Variants in CAMTA1 observed in about 807,000 individuals in gnomAD.
CAMTA1 encodes calmodulin-binding transcription activator 1.
CAMTA1 carries 27 observed loss-of-function variants against 170.9 expected under a neutral mutation model. The ratio of observed to expected loss-of-function variants is 0.16; its 90% CI spans 0.12 to 0.22. The LOEUF is 0.22. CAMTA1 is among the 10% of genes least tolerant of loss of function. CAMTA1 has a pLI of 1.00. For missense variants in CAMTA1, 1,619 were observed against 2,217.2 expected, an observed-to-expected ratio of 0.73 and a Z score of 5.42; for synonymous variants, 833 against 891.5, an observed-to-expected ratio of 0.93 and a Z score of 1.17.
intron 6 of CAMTA1, among the ~76,000 whole-genome samples, chr1:7,530,126 C>T (rs1473428347): frequency 6.6e-6 from 1 of 152,200 alleles, no homozygotes; most frequent in African/African-American, 2.4e-5. Flanking sequence ...CGGCACCCTG[C>T]CCAGACCCCT....
At chr1:7,233,894 C>A (rs1443703779) in intron 4 of CAMTA1, among the ~76,000 whole-genome samples, 1 of 152,144 alleles carries the variant, frequency 6.6e-6, no homozygotes, top group Non-Finnish European at 1.5e-5. Context: ...GGGGTCATAA[C>A]CCCTCTGCCC....
intron 5 of CAMTA1, among the ~76,000 whole-genome samples, chr1:7,284,787 T>A (rs937005982): frequency 6.6e-6 from 1 of 152,194 alleles, no homozygotes; most frequent in African/African-American, 2.4e-5. Context: ...TTTACCTCCT[T>A]CTTGCACTCT....
At chr1:7,499,451 AGTGT>A (rs1326057353) in intron 6 of CAMTA1, among the ~76,000 whole-genome samples, 1 of 16,928 alleles carries the variant, frequency 5.9e-5, no homozygotes, top group African/African-American at 3.3e-4. Context: ...TATGTATATG[AGTGT>A]GTGTGTGTGC....
At chr1:6,807,590 C>T (rs939324033) in intron 1 of CAMTA1, among the ~76,000 whole-genome samples, 3 of 152,000 alleles carry the variant, frequency 2.0e-5, no homozygotes, top group South Asian at 2.1e-4. Flanking sequence ...CGTGGTGGCA[C>T]GTGCCTGTAG....
At chr1:7,457,336 C>A (rs2092980997) in intron 5 of CAMTA1, among the ~76,000 whole-genome samples, 1 of 152,084 alleles carries the variant, frequency 6.6e-6, no homozygotes, top group Non-Finnish European at 1.5e-5. Flanking sequence ...GCCCTCCTCA[C>A]TCATGTCGTC....
intron 5 of CAMTA1, among the ~76,000 whole-genome samples, chr1:7,412,535 T>A (rs1361503933): frequency 2.0e-5 from 3 of 152,268 alleles, no homozygotes; most frequent in Admixed American, 6.5e-5. Flanking sequence ...TTTCATGTGT[T>A]TTTTGGCTGC....
chr1:7,686,296 C>G (rs993776514), intron 11 of CAMTA1, among the ~76,000 whole-genome samples: 1 of 152,132 alleles, frequency 6.6e-6, no homozygotes, highest in East Asian at 1.9e-4. Context: ...GGAGAGGGTA[C>G]CAGGGCGGCT....
intron 3 of CAMTA1, among the ~76,000 whole-genome samples, chr1:6,944,701 C>T (rs1355742625): frequency 6.6e-6 from 1 of 152,210 alleles, no homozygotes; most frequent in Non-Finnish European, 1.5e-5. Context: ...CTGTTTCTCT[C>T]GTTTAAAATA....
intron 4 of CAMTA1, among the ~76,000 whole-genome samples, chr1:7,141,486 G>T (rs1645886039): frequency 6.6e-6 from 1 of 152,222 alleles, no homozygotes; most frequent in East Asian, 1.9e-4. Context: ...GATCGCCCAT[G>T]GAAGATATTG....
chr1:7,470,111 G>GCCATCCCTCC (rs1416138186), intron 6 of CAMTA1, among the ~76,000 whole-genome samples: 4 of 152,214 alleles, frequency 2.6e-5, no homozygotes, highest in African/African-American at 9.6e-5. Flanking sequence ...GCCTGGGGGA[G>GCCATCCCTCC]CCATCCCTCC....
At chr1:6,796,982 A>G (rs951878788) in intron 1 of CAMTA1, among the ~76,000 whole-genome samples, 1 of 152,256 alleles carries the variant, frequency 6.6e-6, no homozygotes, top group Non-Finnish European at 1.5e-5. Context: ...TGTTATATTT[A>G]GGAATCATCA....
At chr1:7,553,803 GC>G (rs35083227) in intron 6 of CAMTA1, among the ~76,000 whole-genome samples, 94,651 of 151,746 alleles carry the variant, frequency 0.62, 30,000 homozygotes, top group South Asian at 0.73. Context: ...GTCGTGCTCT[GC>G]AGGGCTATCT....
chr1:7,692,397 C>T (rs1487091557), intron 11 of CAMTA1, among the ~76,000 whole-genome samples: 4 of 152,104 alleles, frequency 2.6e-5, no homozygotes, highest in Non-Finnish European at 5.9e-5. Flanking sequence ...GTTTCTCAGG[C>T]CGGTCCTTGG....
At chr1:7,579,702 G>A (rs530411201) in intron 6 of CAMTA1, among the ~76,000 whole-genome samples, 1 of 151,808 alleles carries the variant, frequency 6.6e-6, no homozygotes, top group South Asian at 2.1e-4. Flanking sequence ...TGGCACTACA[G>A]GCGCCCACCA....
chr1:7,400,288 T>A (rs757332579), intron 5 of CAMTA1, among the ~76,000 whole-genome samples: 1 of 152,240 alleles, frequency 6.6e-6, no homozygotes, highest in Non-Finnish European at 1.5e-5. Flanking sequence ...TTAATTTTAT[T>A]CATTGAATTC....
At position 7,123,576 on chromosome 1, in the gene CAMTA1, G is replaced by A. The variant is rs533556749; in HGVS notation, c.302+32205G>A. On this transcript the variant is annotated intron_variant, in intron 4 of 22. Transcript: ENST00000303635. ...TGAGTGTGCCAGGCTCTTTCTCACC[G>A]CTCGCCTTCACCCAGGCACATGTGG... is the stretch of plus-strand genomic sequence containing the variant. Among the ~76,000 whole-genome samples, 15 of 152,134 alleles carry A rather than the reference G, an allele frequency of 9.9e-5. No individual in the cohort carries two copies. In the East Asian group the frequency reaches 1.2e-3, roughly 12 times the overall value.
At position 7,714,619 on chromosome 1, in the gene CAMTA1, T is replaced by G. The variant is rs188065443; in HGVS notation, c.2915-17829T>G. 6.6e-5 allele frequency among the ~76,000 whole-genome samples: 10 copies of G among 152,226 alleles called. No homozygotes were observed. The East Asian group carries it at 1.9e-3, about 29-fold the overall frequency. On this transcript the variant is annotated intron_variant, in intron 11 of 22. Coordinates refer to ENST00000303635, the MANE Select transcript of CAMTA1 (RefSeq NM_015215.4). ...CACTGCAAGCCTCTGTCTCCTGGGTTCAGGTGATTCTCTTGCCTCAGCCTC... is the reference window on the plus strand; with the variant it reads ...CACTGCAAGCCTCTGTCTCCTGGGTGCAGGTGATTCTCTTGCCTCAGCCTC...
At chr1:7,380,235 G>C (rs1265181793) in intron 5 of CAMTA1, among the ~76,000 whole-genome samples, 1 of 152,178 alleles carries the variant, frequency 6.6e-6, no homozygotes, top group Non-Finnish European at 1.5e-5. Context: ...GAAAGTGACT[G>C]TCCATTTGCC....
intron 6 of CAMTA1, among the ~76,000 whole-genome samples, chr1:7,535,797 G>A (rs2150073212): frequency 6.6e-6 from 1 of 152,268 alleles, no homozygotes; most frequent in East Asian, 1.9e-4. Context: ...GCCAGTCCCT[G>A]TACTTTGAGA....
Sources: gnomAD v4.1 joint callset for allele counts (sites outside exome capture counted in the v4.1 genomes callset) on GRCh38, gnomAD v4.1.1 for gene constraint, MANE v1.5 for transcripts, NCBI Gene and HGNC (gene_info 2026-07-23, HGNC 2026-07-21) for gene names.